SLC2A4: variants seen among roughly 807,000 people sequenced by gnomAD.
The protein encoded by SLC2A4 is solute carrier family 2 member 4, also known as solute carrier family 2, facilitated glucose transporter member 4.
A neutral mutation model predicts 53.3 loss-of-function variants in SLC2A4; 31 were observed. That is an observed-to-expected ratio of 0.58 (90% CI 0.44 to 0.78). SLC2A4 has a LOEUF of 0.78. SLC2A4 is among the 30% of genes least tolerant of loss of function. The pLI, the probability that SLC2A4 is intolerant of heterozygous loss-of-function variation, is 0.00. For missense variants in SLC2A4, 538 were observed against 655.7 expected (o/e 0.82, Z 1.96); for synonymous variants, 276 against 281.9 (o/e 0.98, Z 0.21).
In SLC2A4 at chr17:7,285,491, C is replaced by T. The variant is rs968211474; in HGVS notation, c.1123-214C>T. On this transcript the variant is annotated intron_variant, in intron 9 of 10. Transcript: ENST00000317370. The surrounding 1 kb of genome is among the most constrained non-coding windows in gnomAD (Gnocchi z 6.0). ...GCTTTAGAGTCCAGGGAGAGCTGAC[C>T]GTCATAAGAACTGAGAGGCCATAAC... is the stretch of plus-strand genomic sequence containing the variant. Among the ~76,000 whole-genome samples, 2 of 152,132 alleles carry T rather than the reference C, an allele frequency of 1.3e-5. No individual in the cohort carries two copies. The highest frequency in any genetic ancestry group is 4.8e-5 in the African/African-American group (2 of 41,418).
Position 7,282,068 on chromosome 17 carries a change from C to A in SLC2A4, c.33+101C>A. On this transcript the variant is annotated intron_variant, in intron 1 of 10. Transcript: ENST00000317370. The surrounding 1 kb of genome is among the most constrained non-coding windows in gnomAD (Gnocchi z 4.1). ...CAGCTGGGGGTGGTTCCTGCGCAGG[C>A]GCAGGGGGTGAAGGTAGGGGGCTGG... 1 of 981,972 alleles carries A rather than the reference C, an allele frequency of 1.0e-6. No individual in the cohort carries two copies. Among genetic ancestry groups the A allele is most frequent in the Non-Finnish European group, 1.6e-6 (1 of 630,066 alleles). 60.8% of individuals were successfully genotyped at this position (981,972 alleles called of 1,614,324 possible).
In SLC2A4 at chr17:7,282,877, AC is replaced by A. The variant is rs571968221; in HGVS notation, c.34-367del. The A allele has an allele frequency of 9.6e-4, 358 of 371,550 alleles. 2 individuals carry two copies. The highest frequency in any genetic ancestry group is 7.6e-3 in the South Asian group (348 of 45,860). The allele number at this position is 371,550 out of a possible 1,614,324, so 23.0% of individuals were successfully genotyped here. ...CACAGATAGGTAGGCAAGGCAGGCA[AC>A]ATCACCCCCATCTCACAGAGGACAC... On this transcript the variant is annotated intron_variant, in intron 1 of 10. Transcript: ENST00000317370. The surrounding 1 kb of genome is among the most constrained non-coding windows in gnomAD (Gnocchi z 4.1).
At position 7,287,752 on chromosome 17, in the gene SLC2A4, G is replaced by A. The variant is rs997221251; in HGVS notation, c.*1123G>A. 4 of 152,216 alleles carry A rather than the reference G, an allele frequency of 2.6e-5. No individual in the cohort carries two copies. The highest frequency in any genetic ancestry group is 9.7e-5 in the African/African-American group (4 of 41,444). 9.4% of individuals were successfully genotyped at this position (152,216 alleles called of 1,614,324 possible). A position where few individuals can be genotyped will look rare whatever the true frequency, so the allele number is the denominator to read the frequency against. ...GGATATTTTTATATACGTTTGAAAA[G>A]GGGATTGAGAGAAGAAACCAAAGGT... On this transcript the variant is annotated 3_prime_UTR_variant, in exon 11 of 11. Coordinates refer to ENST00000317370, the MANE Select transcript of SLC2A4 (RefSeq NM_001042.3).
chr17:7,286,847 C>G lies in SLC2A4; in HGVS notation c.*218C>G. The G allele has an allele frequency of 1.8e-6, 1 of 554,364 alleles. No individual in the cohort carries two copies. Among genetic ancestry groups the G allele is most frequent in the South Asian group, 2.0e-5 (1 of 50,668 alleles). 34.3% of individuals were successfully genotyped at this position (554,364 alleles called of 1,614,324 possible). A position where few individuals can be genotyped will look rare whatever the true frequency, so the allele number is the denominator to read the frequency against. ...GATTATTTATGTGTTGTGGTTTGGCCGTGGCCATCAGGGTGGGCCACTCTC... is the reference window on the plus strand; with the variant it reads ...GATTATTTATGTGTTGTGGTTTGGCGGTGGCCATCAGGGTGGGCCACTCTC... On this transcript the variant is annotated 3_prime_UTR_variant, in exon 11 of 11. Transcript: ENST00000317370.
Position 7,284,870 on chromosome 17 carries a change from AGGGG to A in SLC2A4, c.952_955del (p.Gly318Ter). 6.2e-7 allele frequency: 1 copy of A among 1,614,124 alleles called. No individual in the cohort carries two copies. Among genetic ancestry groups the A allele is most frequent in the African/African-American group, 1.3e-5 (1 of 75,018 alleles). On this transcript the variant is annotated frameshift_variant, in exon 8 of 11. Transcript: ENST00000317370. LOFTEE classifies it high-confidence loss of function. This position sits in a 1 kb window ranked among gnomAD's most constrained non-coding sequence, Gnocchi z 7.5. ...ATTCGACCAGCATCTTCGAGACAGC[AGGGG>A]TAGGCCAGCCTGCCTATGCCACCAT...
chr17:7,283,274 T>G lies in SLC2A4; in HGVS notation c.63T>G (p.Thr21=). 3 of 1,614,184 alleles carry G rather than the reference T, an allele frequency of 1.9e-6. No homozygotes were observed. Among genetic ancestry groups the G allele is most frequent in the Non-Finnish European group, 2.5e-6 (3 of 1,180,012 alleles). ...EDGEPPQQRV[T]GTLVLAVFSA... ...GGGAACCCCCTCAGCAGCGAGTGACTGGGACCCTGGTCCTTGCTGTGTTCT... is the reference window on the plus strand; with the variant it reads ...GGGAACCCCCTCAGCAGCGAGTGACGGGGACCCTGGTCCTTGCTGTGTTCT... The change falls in exon 2 of 11, where the codon ACT becomes ACG. Residue 21 remains threonine (T), a synonymous_variant. Transcript: ENST00000317370. This position sits in a 1 kb window ranked among gnomAD's most constrained non-coding sequence, Gnocchi z 5.8.
Position 7,283,617 on chromosome 17 carries a change from A to G in SLC2A4, c.295A>G (p.Ile99Val), listed in dbSNP as rs754025923. The G allele has an allele frequency of 1.9e-6, 3 of 1,613,134 alleles. No individual in the cohort carries two copies. The highest frequency in any genetic ancestry group is 1.7e-5 in the Admixed American group (1 of 59,934). Residue 99 changes from isoleucine to valine, a missense_variant, in exon 3 of 11, where the codon ATT becomes GTT. Physicochemically the swap from Ile to Val is conservative, Grantham distance 29. Coordinates refer to ENST00000317370, the MANE Select transcript of SLC2A4 (RefSeq NM_001042.3). This position sits in a 1 kb window ranked among gnomAD's most constrained non-coding sequence, Gnocchi z 5.8. ...GGGCGGCATGATTTCCTCCTTCCTC[A>G]TTGGTATCATCTCTCAGTGGCTTGG... ...SVGGMISSFL[I>V]GIISQWLGRK...
At position 7,284,202 on chromosome 17, in the gene SLC2A4, A is replaced by C. The variant is rs1230552115; in HGVS notation, c.565-15A>C. 6.2e-7 allele frequency: 1 copy of C among 1,611,904 alleles called. No homozygotes were observed. Among genetic ancestry groups the C allele is most frequent in the Non-Finnish European group, 8.5e-7 (1 of 1,180,016 alleles). Reference sequence around the variant, plus strand: ...GGCTGAGTGACCTGCCTTCTTTCCCAACCTTCTCCCACAGGTGCTGGGCTT... The same window carrying C: ...GGCTGAGTGACCTGCCTTCTTTCCCCACCTTCTCCCACAGGTGCTGGGCTT... On this transcript the variant is annotated splice_polypyrimidine_tract_variant and intron_variant, in intron 5 of 10. Transcript: ENST00000317370. This position sits in a 1 kb window ranked among gnomAD's most constrained non-coding sequence, Gnocchi z 7.5.
chr17:7,285,612 G>T lies in SLC2A4; in HGVS notation c.1123-93G>T. The stretch of plus-strand genomic sequence containing the variant: ...CAGCAGGCCCCCTACAAGCTGCTGC[G>T]GAGGGGGTTAGGTTTCACTTCTCTG... On this transcript the variant is annotated intron_variant, in intron 9 of 10. Coordinates refer to ENST00000317370, the MANE Select transcript of SLC2A4 (RefSeq NM_001042.3). The surrounding 1 kb of genome is among the most constrained non-coding windows in gnomAD (Gnocchi z 6.0). 8.0e-7 allele frequency: 1 copy of T among 1,244,162 alleles called. No homozygotes were observed. The allele number at this position is 1,244,162 out of a possible 1,614,324, so 77.1% of individuals were successfully genotyped here.
At position 7,282,068 on chromosome 17, in the gene SLC2A4, C is replaced by G; in HGVS notation, c.33+101C>G. The G allele has an allele frequency of 3.1e-6, 3 of 981,972 alleles. No homozygotes were observed. Among genetic ancestry groups the G allele is most frequent in the Admixed American group, 4.0e-5 (2 of 50,350 alleles). 60.8% of individuals were successfully genotyped at this position (981,972 alleles called of 1,614,324 possible). On this transcript the variant is annotated intron_variant, in intron 1 of 10. Coordinates refer to ENST00000317370, the MANE Select transcript of SLC2A4 (RefSeq NM_001042.3). This position sits in a 1 kb window ranked among gnomAD's most constrained non-coding sequence, Gnocchi z 4.1. ...CAGCTGGGGGTGGTTCCTGCGCAGG[C>G]GCAGGGGGTGAAGGTAGGGGGCTGG...
Position 7,282,259 on chromosome 17 carries a change from C to A in SLC2A4, c.33+292C>A, listed in dbSNP as rs1466849190. 1 of 595,618 alleles carries A rather than the reference C, an allele frequency of 1.7e-6. No homozygotes were observed. 36.9% of individuals were successfully genotyped at this position (595,618 alleles called of 1,614,324 possible). ...GCGCGGCGCTCCGGAATCGGGGACA[C>A]CCTGCCCTCGATCCGACTCGGGAAA... On this transcript the variant is annotated intron_variant, in intron 1 of 10. Coordinates refer to ENST00000317370, the MANE Select transcript of SLC2A4 (RefSeq NM_001042.3). This position sits in a 1 kb window ranked among gnomAD's most constrained non-coding sequence, Gnocchi z 4.1.
chr17:7,284,714 G>A lies in SLC2A4; in HGVS notation c.915+42G>A, dbSNP rs754431311. ...CTCCAGGCAGGGCACAGCCCCGGGA[G>A]GGTAGACGAGAGTGGGGAGCAAACC... On this transcript the variant is annotated intron_variant, in intron 7 of 10. Coordinates refer to ENST00000317370, the MANE Select transcript of SLC2A4 (RefSeq NM_001042.3). This position sits in a 1 kb window ranked among gnomAD's most constrained non-coding sequence, Gnocchi z 7.5. 6.2e-7 allele frequency: 1 copy of A among 1,612,296 alleles called. No homozygotes were observed. The highest frequency in any genetic ancestry group is 1.7e-5 in the Admixed American group (1 of 60,010).
chr17:7,282,001 G>GGGCCC lies in SLC2A4; in HGVS notation c.33+34_33+35insGGCCC. The stretch of plus-strand genomic sequence containing the variant: ...CATCATGAGGGGGCGGGGCGGGGGG[G>GGGCCC]CACGGGTCCCGCTTTTCTTGGGCTG... On this transcript the variant is annotated intron_variant, in intron 1 of 10. Transcript: ENST00000317370. The surrounding 1 kb of genome is among the most constrained non-coding windows in gnomAD (Gnocchi z 4.1). 7.5e-6 allele frequency: 4 copies of GGGCCC among 535,038 alleles called. No individual in the cohort carries two copies. The highest frequency in any genetic ancestry group is 1.5e-5 in the Non-Finnish European group (4 of 269,460). 33.1% of individuals were successfully genotyped at this position (535,038 alleles called of 1,614,324 possible). A position where few individuals can be genotyped will look rare whatever the true frequency, so the allele number is the denominator to read the frequency against.
At position 7,282,460 on chromosome 17, in the gene SLC2A4, C is replaced by A. The variant is rs117643180; in HGVS notation, c.33+493C>A. On this transcript the variant is annotated intron_variant, in intron 1 of 10. Transcript: ENST00000317370. This position sits in a 1 kb window ranked among gnomAD's most constrained non-coding sequence, Gnocchi z 4.1. ...TGGAGGGGCAGAGGGGACTGTCAGC[C>A]CCCCCTCCTCCAGCTCAGGTTTCCG... The A allele has an allele frequency of 0.017, 7,755 of 453,458 alleles. 112 individuals carry two copies. The highest frequency in any genetic ancestry group is 0.024 in the Non-Finnish European group (5,443 of 225,440). The allele number at this position is 453,458 out of a possible 1,614,324, so 28.1% of individuals were successfully genotyped here.
chr17:7,287,604 A>G lies in SLC2A4; in HGVS notation c.*975A>G, dbSNP rs2072463149. The G allele has an allele frequency of 6.6e-6, 1 of 152,266 alleles. No homozygotes were observed. Among genetic ancestry groups the G allele is most frequent in the Non-Finnish European group, 1.5e-5 (1 of 68,056 alleles). The allele number at this position is 152,266 out of a possible 1,614,324, so 9.4% of individuals were successfully genotyped here. ...CGATGGTTTCCCAAGGCTGCCAAGA[A>G]GGAGCCCTAACTTTCTTCCTCTCCC... On this transcript the variant is annotated 3_prime_UTR_variant, in exon 11 of 11. Transcript: ENST00000317370.
rs1401983862 is a variant in SLC2A4, at chr17:7,284,906, T to C, written c.987T>C (p.Ala329=). 6.2e-7 allele frequency: 1 copy of C among 1,614,068 alleles called. No homozygotes were observed. The highest frequency in any genetic ancestry group is 1.3e-5 in the African/African-American group (1 of 74,928). ...AGCCTGCCTATGCCACCATAGGAGC[T>C]GGTGTGGTCAACACAGTCTTCACCT... ...VGQPAYATIG[A]GVVNTVFTLV... is the part of the protein sequence containing the mutation. Residue 329 remains alanine (A), a synonymous_variant, in exon 8 of 11, where the codon GCT becomes GCC. Transcript: ENST00000317370. The surrounding 1 kb of genome is among the most constrained non-coding windows in gnomAD (Gnocchi z 7.5).
rs1182020828 is a variant in SLC2A4, at chr17:7,285,428, C to A, written c.1122+239C>A. On this transcript the variant is annotated intron_variant, in intron 9 of 10. Transcript: ENST00000317370. The surrounding 1 kb of genome is among the most constrained non-coding windows in gnomAD (Gnocchi z 6.0). ...ACTCTGGCAGCCAGGAGGGAGAGCC[C>A]CTGTCAAGCCTCAGGAACAATCATT... 6.6e-6 allele frequency among the ~76,000 whole-genome samples: 1 copy of A among 152,108 alleles called. No homozygotes were observed. Among genetic ancestry groups the A allele is most frequent in the Non-Finnish European group, 1.5e-5 (1 of 68,022 alleles).
rs1281401906 is a variant in SLC2A4, at chr17:7,284,900, A to G, written c.981A>G (p.Ile327Met). The change falls in exon 8 of 11, where the codon ATA becomes ATG. Residue 327 changes from isoleucine (I) to methionine (M), a missense_variant. Coordinates refer to ENST00000317370, the MANE Select transcript of SLC2A4 (RefSeq NM_001042.3). This position sits in a 1 kb window ranked among gnomAD's most constrained non-coding sequence, Gnocchi z 7.5. The stretch of plus-strand genomic sequence containing the variant: ...TAGGCCAGCCTGCCTATGCCACCAT[A>G]GGAGCTGGTGTGGTCAACACAGTCT... ...AGVGQPAYAT[I>M]GAGVVNTVFT... The G allele has an allele frequency of 1.2e-6, 2 of 1,614,038 alleles. No homozygotes were observed. The highest frequency in any genetic ancestry group is 1.3e-5 in the African/African-American group (1 of 75,016).
rs768540112 is a variant in SLC2A4 at position 7,285,739 on chromosome 17, T to G, written c.1157T>G (p.Val386Gly). The G allele has an allele frequency of 8.1e-6, 13 of 1,614,124 alleles. No homozygotes were observed. In the South Asian group the frequency reaches 1.4e-4, roughly 18 times the overall value. Residue 386 changes from valine (V) to glycine (G), a missense_variant, in exon 10 of 11, where the codon GTG (valine) becomes GGG (glycine). Coordinates refer to ENST00000317370, the MANE Select transcript of SLC2A4 (RefSeq NM_001042.3). The surrounding 1 kb of genome is among the most constrained non-coding windows in gnomAD (Gnocchi z 6.0). Reference protein sequence around the residue: ...RVPAMSYVSIVAIFGFVAFFE... With the variant: ...RVPAMSYVSIGAIFGFVAFFE... ...CCAGCCATGAGCTACGTCTCCATTGTGGCCATCTTTGGCTTCGTGGCATTT... is the reference window on the plus strand; with the variant it reads ...CCAGCCATGAGCTACGTCTCCATTGGGGCCATCTTTGGCTTCGTGGCATTT...
Sources: allele counts gnomAD v4.1 joint callset (sites outside exome capture counted in the v4.1 genomes callset), GRCh38; gene constraint gnomAD v4.1.1; non-coding constraint Gnocchi (gnomAD v3.1); transcripts MANE v1.5; gene names NCBI Gene and HGNC (gene_info 2026-07-23, HGNC 2026-07-21).